Variants in STAM observed in about 807,000 individuals in gnomAD.
STAM encodes signal transducing adaptor molecule, also known as signal transducing adapter molecule 1.
In STAM, 16 loss-of-function variants were observed where a neutral mutation model predicts 63.4. That is an observed-to-expected ratio of 0.25 (90% CI 0.17 to 0.38). The LOEUF (loss-of-function observed/expected upper bound fraction) is 0.38, where lower values mean the gene tolerates loss of function less well. Ranked by LOEUF, STAM falls within the 10% of genes least tolerant of loss-of-function variation. The pLI is 1.00. For missense variants in STAM, 636 were observed against 657.1 expected (o/e 0.97, Z 0.35); for synonymous variants, 238 against 223.9 (o/e 1.06, Z -0.56).
intron 5 of STAM, among the ~76,000 whole-genome samples, chr10:17,689,918 A>G (rs1835457128): frequency 6.6e-6 from 1 of 152,238 alleles, no homozygotes; most frequent in African/African-American, 2.4e-5. Context: ...GCTGCTCTAG[A>G]GGACAGCCTT....
At position 17,714,544 on chromosome 10, in the gene STAM, A is replaced by G. The variant is rs781817992; in HGVS notation, c.1387A>G (p.Thr463Ala). ...TTGAGTGTTTTTCTTCCTCCACAGT[A>G]CAATGGTCAGTTCCGTTCAAGGAAA... ...SQQTQAAYPN[T>A]MVSSVQGNTY... The change falls in exon 14 of 14, where the codon ACA (threonine) becomes GCA (alanine). Residue 463 changes from threonine to alanine, a missense_variant and splice_region_variant. By Grantham distance (58) the Thr-to-Ala change is moderately conservative. Transcript: ENST00000377524. The G allele has an allele frequency of 9.3e-6, 15 of 1,613,968 alleles. No individual in the cohort carries two copies. The highest frequency in any genetic ancestry group is 3.3e-4 in the Middle Eastern group (2 of 6,062).
chr10:17,661,307 G>GAAGC (rs1248794381), intron 2 of STAM, among the ~76,000 whole-genome samples: 2 of 152,198 alleles, frequency 1.3e-5, no homozygotes, highest in Non-Finnish European at 2.9e-5. Flanking sequence ...AAAAGATTAG[G>GAAGC]AAGCACTGCT....
chr10:17,693,160 G>T (rs2131651607), intron 5 of STAM, 62 bp from the exon 6 acceptor site: 1 of 1,457,726 alleles, frequency 6.9e-7, no homozygotes, highest in South Asian at 1.2e-5. Context: ...AATTCTTAGG[G>T]TGGGTGAGAG....
chr10:17,666,856 TTCAAG>T (rs1834408732), intron 2 of STAM, among the ~76,000 whole-genome samples: 1 of 152,202 alleles, frequency 6.6e-6, no homozygotes, highest in South Asian at 2.1e-4. Context: ...ACAGACCTCT[TTCAAG>T]TCTTTTTTTC....
At chr10:17,688,661 C>T (rs1329937903) in intron 5 of STAM, among the ~76,000 whole-genome samples, 4 of 151,674 alleles carry the variant, frequency 2.6e-5, no homozygotes, top group African/African-American at 9.7e-5. Context: ...GTGGGTTTCA[C>T]CATGTTGGCC....
In STAM at chr10:17,714,953, G is replaced by C. The variant is rs1487001153; in HGVS notation, c.*173G>C. The C allele has an allele frequency of 4.8e-6, 3 of 625,084 alleles. No individual in the cohort carries two copies. The highest frequency in any genetic ancestry group is 3.7e-5 in the African/African-American group (2 of 53,862). 38.7% of individuals were successfully genotyped at this position (625,084 alleles called of 1,614,324 possible). Reference sequence around the variant, plus strand: ...CCTCAATTTACACTGACTTTTTAGAGGTTCTTCCCCCCCCGCCCCTGCAGA... The same window carrying C: ...CCTCAATTTACACTGACTTTTTAGACGTTCTTCCCCCCCCGCCCCTGCAGA... On this transcript the variant is annotated 3_prime_UTR_variant, in exon 14 of 14. Transcript: ENST00000377524.
At chr10:17,646,531 T>A (rs1833526282) in intron 1 of STAM, among the ~76,000 whole-genome samples, 1 of 152,208 alleles carries the variant, frequency 6.6e-6, no homozygotes, top group Non-Finnish European at 1.5e-5. Context: ...ATAGGAGGTG[T>A]TTAATAATGT....
chr10:17,702,634 C>T (rs555838717), intron 9 of STAM, among the ~76,000 whole-genome samples: 27 of 152,152 alleles, frequency 1.8e-4, no homozygotes, highest in African/African-American at 4.1e-4. Context: ...ATTTGAAGAG[C>T]GAAACAGACT....
chr10:17,688,655 G>A (rs1400155923), intron 5 of STAM, among the ~76,000 whole-genome samples: 1 of 151,514 alleles, frequency 6.6e-6, no homozygotes, highest in Non-Finnish European at 1.5e-5. Flanking sequence ...ATAGAGGTGG[G>A]TTTCACCATG....
chr10:17,648,644 T>G (rs1833616627), intron 1 of STAM, among the ~76,000 whole-genome samples: 1 of 152,172 alleles, frequency 6.6e-6, no homozygotes, highest in African/African-American at 2.4e-5. Flanking sequence ...CCTTTTTCTG[T>G]CTCACCATTC....
intron 1 of STAM, among the ~76,000 whole-genome samples, chr10:17,655,943 G>A (rs1022173110): frequency 4.2e-5 from 5 of 119,432 alleles, no homozygotes; most frequent in Non-Finnish European, 5.5e-5. Context: ...TTCCTCCTAC[G>A]TGTGTATTCT....
At chr10:17,674,676 A>G (rs1554824462) in intron 2 of STAM, among the ~76,000 whole-genome samples, 2 of 152,222 alleles carry the variant, frequency 1.3e-5, no homozygotes, top group Non-Finnish European at 1.5e-5. Context: ...TTATTGGTCA[A>G]GCAAGTCACT....
At chr10:17,666,956 C>G (rs1834412492) in intron 2 of STAM, among the ~76,000 whole-genome samples, 1 of 152,100 alleles carries the variant, frequency 6.6e-6, no homozygotes, top group African/African-American at 2.4e-5. Context: ...CACTTATTGA[C>G]TACTTATTGT....
chr10:17,696,202 C>T (rs1835749146), intron 7 of STAM: 1 of 151,198 alleles, frequency 6.6e-6, no homozygotes, highest in Non-Finnish European at 1.5e-5. Context: ...AAAGTTTGAG[C>T]TGGTTAGCTG....
chr10:17,665,011 T>TC (rs1554823256), intron 2 of STAM, among the ~76,000 whole-genome samples: 1 of 152,144 alleles, frequency 6.6e-6, no homozygotes, highest in African/African-American at 2.4e-5. Context: ...AACCTTTTTT[T>TC]CTCTTTTGGC....
At chr10:17,676,538 C>G (rs1292333819) in intron 2 of STAM, among the ~76,000 whole-genome samples, 12 of 152,246 alleles carry the variant, frequency 7.9e-5, no homozygotes, top group African/African-American at 2.4e-4. Flanking sequence ...ATACTGCCCC[C>G]TTTTCTTTTA....
chr10:17,713,996 C>G (rs1395506093), intron 13 of STAM, among the ~76,000 whole-genome samples: 1 of 152,210 alleles, frequency 6.6e-6, no homozygotes, highest in Non-Finnish European at 1.5e-5. Context: ...CACTCGTGGC[C>G]TGCTGTTCCT....
rs568578308 is a variant in STAM, at chr10:17,711,593, A to C, written c.1385+2642A>C. On this transcript the variant is annotated intron_variant, in intron 13 of 13. Coordinates refer to ENST00000377524, the MANE Select transcript of STAM (RefSeq NM_003473.4). ...TCCAAGAGGGTTATTCTTAGCCAGTAGAAAAAAAGTGAGGAAGATGTTCTG... is the reference window on the plus strand; with the variant it reads ...TCCAAGAGGGTTATTCTTAGCCAGTCGAAAAAAAGTGAGGAAGATGTTCTG... 2.6e-5 allele frequency among the ~76,000 whole-genome samples: 4 copies of C among 152,300 alleles called. No homozygotes were observed. The East Asian group carries it at 7.7e-4, about 29-fold the overall frequency.
intron 2 of STAM, among the ~76,000 whole-genome samples, chr10:17,684,074 T>G (rs1554825800): frequency 6.6e-6 from 1 of 152,144 alleles, no homozygotes; most frequent in African/African-American, 2.4e-5. Flanking sequence ...CTCTGACGAC[T>G]GTGTGAGCGT....
Sources: allele counts gnomAD v4.1 joint callset (sites outside exome capture counted in the v4.1 genomes callset), GRCh38; gene constraint gnomAD v4.1.1; transcripts MANE v1.5; gene names NCBI Gene and HGNC (gene_info 2026-07-23, HGNC 2026-07-21).